ATG7: variants seen among roughly 807,000 people sequenced by gnomAD.
ATG7 encodes the protein ubiquitin-like modifier-activating enzyme ATG7.
ATG7 carries 70 observed loss-of-function variants against 82.4 expected under a neutral mutation model. The ratio of observed to expected loss-of-function variants is 0.85; its 90% CI spans 0.70 to 1.04. The LOEUF is 1.04. Ranked by LOEUF, ATG7 falls within the 50% of genes least tolerant of loss-of-function variation. The pLI is 0.00. For missense variants in ATG7, 792 were observed against 864.3 expected, an observed-to-expected ratio of 0.92 and a Z score of 1.05; for synonymous variants, 287 against 313.0, an observed-to-expected ratio of 0.92 and a Z score of 0.88.
At chr3:11,437,906 A>T (rs187726038) in intron 20 of ATG7, among the ~76,000 whole-genome samples, 1 of 152,302 alleles carries the variant, frequency 6.6e-6, no homozygotes, top group Admixed American at 6.5e-5. Flanking sequence ...TAATTCCATA[A>T]TACCACCTAA....
chr3:11,564,221 A>G, the ATG7 span, among the ~76,000 whole-genome samples: 4 of 152,208 alleles, frequency 2.6e-5, no homozygotes, highest in Non-Finnish European at 5.9e-5. Flanking sequence ...AGCTGTGTTT[A>G]TTAAGCAATC....
the ATG7 span, among the ~76,000 whole-genome samples, chr3:11,565,383 G>A: frequency 6.6e-6 from 1 of 152,138 alleles, no homozygotes; most frequent in African/African-American, 2.4e-5. This position sits in a 1 kb window ranked among gnomAD's most constrained non-coding sequence, Gnocchi z 4.1. Context: ...ACAGGACGGG[G>A]ACGCTGACAA....
At position 11,347,985 on chromosome 3, in the gene ATG7, C is replaced by T. The variant is rs771362265; in HGVS notation, c.1234C>T (p.Pro412Ser). The change falls in exon 14 of 21, where the codon CCC (proline) becomes TCC (serine). Residue 412 changes from proline to serine, a missense_variant. Pro to Ser is a moderately conservative substitution (Grantham distance 74). Transcript: ENST00000693202. The part of the protein sequence containing the change: ...EFEDCLGGGK[P>S]KALAAADRLQ... Reference sequence around the variant, plus strand: ...TGAAGATTGCCTAGGGGGTGGTAAGCCCAAGGCTCTGGCAGCAGCGGACCG... The same window carrying T: ...TGAAGATTGCCTAGGGGGTGGTAAGTCCAAGGCTCTGGCAGCAGCGGACCG... The T allele has an allele frequency of 3.1e-6, 5 of 1,614,146 alleles. No individual in the cohort carries two copies. Among genetic ancestry groups the T allele is most frequent in the Non-Finnish European group, 3.4e-6 (4 of 1,179,980 alleles).
At chr3:11,467,362 T>G (rs942587628) in intron 20 of ATG7, among the ~76,000 whole-genome samples, 2 of 152,158 alleles carry the variant, frequency 1.3e-5, no homozygotes, top group African/African-American at 4.8e-5. Context: ...AAATATTACC[T>G]CAACCGTAAT....
At chr3:11,554,165 G>A (rs576303108) in intron 20 of ATG7, among the ~76,000 whole-genome samples, 6 of 152,196 alleles carry the variant, frequency 3.9e-5, no homozygotes, top group Non-Finnish European at 8.8e-5. Flanking sequence ...GGGGCCTCCT[G>A]CTCCCCAGGT....
intron 20 of ATG7, among the ~76,000 whole-genome samples, chr3:11,551,008 T>G (rs972860799): frequency 2.4e-4 from 36 of 152,196 alleles, no homozygotes; most frequent in African/African-American, 8.0e-4. Flanking sequence ...CAATTTTATC[T>G]TTTTCCAAGT....
chr3:11,455,987 G>A (rs1159730979), intron 20 of ATG7, among the ~76,000 whole-genome samples: 1 of 152,148 alleles, frequency 6.6e-6, no homozygotes, highest in Admixed American at 6.5e-5. Context: ...TTATTTAGAT[G>A]TAATTCATAT....
chr3:11,313,159 G>T (rs1221411980), intron 7 of ATG7, 145 bp from the exon 8 acceptor site: 2 of 493,394 alleles, frequency 4.1e-6, no homozygotes, highest in East Asian at 6.4e-5. Flanking sequence ...AGTTCTGTTG[G>T]GGATGAGGAT....
the ATG7 span, among the ~76,000 whole-genome samples, chr3:11,563,365 C>T: frequency 6.6e-6 from 1 of 152,244 alleles, no homozygotes; most frequent in African/African-American, 2.4e-5. Context: ...TTGAGCTTCC[C>T]AAAGCAGAAA....
chr3:11,447,307 T>C (rs879511859), intron 20 of ATG7, among the ~76,000 whole-genome samples: 58 of 151,810 alleles, frequency 3.8e-4, no homozygotes, highest in Admixed American at 5.2e-4. Context: ...CTACTAAAAA[T>C]ATAGAAAAAA....
At chr3:11,448,362 G>T (rs920718224) in intron 20 of ATG7, among the ~76,000 whole-genome samples, 1 of 151,562 alleles carries the variant, frequency 6.6e-6, no homozygotes, top group Non-Finnish European at 1.5e-5. Flanking sequence ...GCTCTCTCTG[G>T]CTGCTTCTGC....
intron 20 of ATG7, chr3:11,446,773 T>G (rs2084598526): frequency 4.7e-6 from 1 of 215,002 alleles, no homozygotes; most frequent in African/African-American, 2.4e-5. Flanking sequence ...ACAGTCAAGG[T>G]GAACCAGCTA....
At chr3:11,458,709 A>G (rs2086000702) in intron 20 of ATG7, among the ~76,000 whole-genome samples, 1 of 152,236 alleles carries the variant, frequency 6.6e-6, no homozygotes, top group Non-Finnish European at 1.5e-5. Flanking sequence ...AAATAAACGC[A>G]CAGGATAAAA....
At chr3:11,509,143 T>C (rs747111694) in intron 20 of ATG7, among the ~76,000 whole-genome samples, 19 of 152,262 alleles carry the variant, frequency 1.2e-4, no homozygotes, top group Non-Finnish European at 2.4e-4. Flanking sequence ...TTGGTTTTTT[T>C]TCTTTCCAAG....
chr3:11,559,137 C>T (rs1034814080), downstream of ATG7, among the ~76,000 whole-genome samples: 3 of 152,194 alleles, frequency 2.0e-5, no homozygotes, highest in Non-Finnish European at 4.4e-5. Context: ...CTGAGCGAGG[C>T]GGTGTGTTTC....
chr3:11,486,820 G>GTTTTTTTTTTTTTTTT (rs34251925), intron 20 of ATG7, among the ~76,000 whole-genome samples: 1 of 131,994 alleles, frequency 7.6e-6, no homozygotes, highest in African/African-American at 2.9e-5. Flanking sequence ...CTTTGGTTCT[G>GTTTTTTTTTTTTTTTT]TTTTTTTTTT....
At chr3:11,499,950 G>A (rs2091197075) in intron 20 of ATG7, among the ~76,000 whole-genome samples, 1 of 152,032 alleles carries the variant, frequency 6.6e-6, no homozygotes, top group Admixed American at 6.6e-5. Context: ...TATTTTATGA[G>A]CATCTTAATC....
At chr3:11,539,929 G>A (rs750367801) in intron 20 of ATG7, among the ~76,000 whole-genome samples, 1 of 152,178 alleles carries the variant, frequency 6.6e-6, no homozygotes, top group African/African-American at 2.4e-5. Context: ...GCTGAGTAGC[G>A]TCTCGCTGTG....
Position 11,391,958 on chromosome 3 carries a change from TG to T in ATG7, c.1956+11916del, listed in dbSNP as rs5846709. ...ATGCATAGAATTCCATTGTACTTAT[TG>T]GGGGGGGGGTAATTTCACTTTAAAT... On this transcript the variant is annotated intron_variant, in intron 19 of 20. Transcript: ENST00000693202. 4.2e-3 allele frequency among the ~76,000 whole-genome samples: 537 copies of T among 126,658 alleles called. 6 individuals are homozygous for T. The highest frequency in any genetic ancestry group is 8.4e-3 in the African/African-American group (285 of 33,732). The allele number at this position is 126,658 out of a possible 152,430, so 83.1% of individuals were successfully genotyped here. A position where few individuals can be genotyped will look rare whatever the true frequency, so the allele number is the denominator to read the frequency against.
Sources: allele counts gnomAD v4.1 joint callset (sites outside exome capture counted in the v4.1 genomes callset), GRCh38; gene constraint gnomAD v4.1.1; non-coding constraint Gnocchi (gnomAD v3.1); transcripts MANE v1.5; gene names NCBI Gene and HGNC (gene_info 2026-07-23, HGNC 2026-07-21).